The following SULF2 variants were observed in gnomAD, a reference collection of about 807,000 sequenced individuals.
SULF2 encodes the protein sulfatase 2.
A neutral mutation model predicts 107.7 loss-of-function variants in SULF2; 52 were observed. That is an observed-to-expected ratio of 0.48 (90% CI 0.39 to 0.61). The LOEUF (loss-of-function observed/expected upper bound fraction) is 0.61, where lower values mean the gene tolerates loss of function less well. Among genes scored for constraint, SULF2 ranks in the 20% least tolerant of loss-of-function variants. The pLI is 0.00. For missense variants in SULF2, 993 were observed against 1,177.3 expected (o/e 0.84, Z 2.29); for synonymous variants, 460 against 464.3 (o/e 0.99, Z 0.12).
intron 17 of SULF2, among the ~76,000 whole-genome samples, chr20:47,662,573 G>A (rs192160899): frequency 4.7e-4 from 72 of 152,318 alleles, no homozygotes; most frequent in African/African-American, 1.6e-3. Flanking sequence ...CACATGTTCC[G>A]ATGACCAGAC....
In SULF2 at chr20:47,745,400, AAAAAAAAAAAATATATATATAT is replaced by A. The variant is rs1268273013; in HGVS notation, c.176-8480_176-8459del. Among the ~76,000 whole-genome samples, 9 of 30,560 alleles carry A rather than the reference AAAAAAAAAAAATATATATATAT, an allele frequency of 2.9e-4. 1 individual carries two copies. The highest frequency in any genetic ancestry group is 2.3e-3 in the East Asian group (2 of 860). The allele number at this position is 30,560 out of a possible 152,430, so 20.0% of individuals were successfully genotyped here. A position where few individuals can be genotyped will look rare whatever the true frequency, so the allele number is the denominator to read the frequency against. On this transcript the variant is annotated intron_variant, in intron 2 of 20. Coordinates refer to ENST00000688720, the MANE Select transcript of SULF2 (RefSeq NM_001387048.1). ...TTTGAGGGAAAAAAAAAAAAAAAAA[AAAAAAAAAAAATATATATATAT>A]ATATATATATATATATATATATATA...
intron 1 of SULF2, among the ~76,000 whole-genome samples, chr20:47,780,443 G>A (rs570451159): frequency 5.9e-5 from 9 of 152,250 alleles, no homozygotes; most frequent in African/African-American, 1.4e-4. Flanking sequence ...TTTCCAAGGC[G>A]GACTCCTTCC....
intron 1 of SULF2, among the ~76,000 whole-genome samples, chr20:47,784,089 G>A (rs1016171401): frequency 6.6e-6 from 1 of 152,120 alleles, no homozygotes; most frequent in African/African-American, 2.4e-5. Flanking sequence ...AGATCCGGGG[G>A]TGTCCTCCAG....
chr20:47,716,316 C>T (rs1288495837), intron 3 of SULF2, among the ~76,000 whole-genome samples: 1 of 152,138 alleles, frequency 6.6e-6, no homozygotes, highest in Non-Finnish European at 1.5e-5. Context: ...ACCAGCCTGG[C>T]CAATGTGGTG....
At chr20:47,743,776 C>A (rs535022341) in intron 2 of SULF2, among the ~76,000 whole-genome samples, 1 of 152,178 alleles carries the variant, frequency 6.6e-6, no homozygotes, top group Non-Finnish European at 1.5e-5. Context: ...TCCTACTGTG[C>A]GCTCTCTCTC....
intron 4 of SULF2, among the ~76,000 whole-genome samples, chr20:47,691,360 C>T (rs947123664): frequency 3.3e-5 from 5 of 152,132 alleles, no homozygotes; most frequent in Non-Finnish European, 5.9e-5. Context: ...GAGGAGGTGA[C>T]ATTTGAGTTG....
At chr20:47,696,306 A>T (rs1224044907) in intron 4 of SULF2, among the ~76,000 whole-genome samples, 1 of 152,214 alleles carries the variant, frequency 6.6e-6, no homozygotes, top group Non-Finnish European at 1.5e-5. Context: ...AGTGTTAGTC[A>T]TTATTCCTCA....
chr20:47,747,008 TATATATATATAC>T (rs1449600747), intron 2 of SULF2, among the ~76,000 whole-genome samples: 75 of 132,394 alleles, frequency 5.7e-4, no homozygotes, highest in Non-Finnish European at 7.9e-4. Flanking sequence ...TATATATATA[TATATATATATAC>T]ACACACACAC....
intron 1 of SULF2, among the ~76,000 whole-genome samples, chr20:47,774,035 G>C (rs1022688914): frequency 6.6e-6 from 1 of 152,204 alleles, no homozygotes; most frequent in South Asian, 2.1e-4. Context: ...TAGCAGATGA[G>C]CTGTTCATTA....
chr20:47,658,261 G>A lies in SULF2; in HGVS notation c.*101C>T. 1 of 1,277,420 alleles carries A rather than the reference G, an allele frequency of 7.8e-7. No individual in the cohort carries two copies. Among genetic ancestry groups the A allele is most frequent in the South Asian group, 1.2e-5 (1 of 84,206 alleles). 79.1% of individuals were successfully genotyped at this position (1,277,420 alleles called of 1,614,324 possible). A position where few individuals can be genotyped will look rare whatever the true frequency, so the allele number is the denominator to read the frequency against. Reference sequence around the variant, plus strand: ...CGTGCTTGCTTTCTCAGGCCTCCTGGCCAATACCACAGGTCTGCTGGAAAT... The same window carrying A: ...CGTGCTTGCTTTCTCAGGCCTCCTGACCAATACCACAGGTCTGCTGGAAAT... On this transcript the variant is annotated 3_prime_UTR_variant, in exon 21 of 21. Coordinates refer to ENST00000688720, the MANE Select transcript of SULF2 (RefSeq NM_001387048.1).
chr20:47,706,605 G>A (rs916010835), intron 3 of SULF2: 1 of 152,272 alleles, frequency 6.6e-6, no homozygotes, highest in African/African-American at 2.4e-5. Context: ...TGTGCCTAGT[G>A]GATTTGAAGG....
chr20:47,702,588 G>A lies in SULF2; in HGVS notation c.498C>T (p.Asn166=). Residue 166 remains asparagine (N), a synonymous_variant, in exon 4 of 21, where the codon AAC becomes AAT. Transcript: ENST00000688720. ...ACAGCGTGTAGTTATAAAAGCGGGA[G>A]TTTTTAAGGAGTCCGACCCACTCCT... ...GWKEWVGLLK[N]SRFYNYTLCR... is the part of the protein sequence containing the mutation. 3.7e-6 allele frequency: 6 copies of A among 1,613,728 alleles called. No individual in the cohort carries two copies. Among genetic ancestry groups the A allele is most frequent in the Non-Finnish European group, 5.1e-6 (6 of 1,180,028 alleles).
In SULF2 at chr20:47,663,080, T is replaced by C. The variant is rs1602578892; in HGVS notation, c.2360A>G (p.Asp787Gly). The change falls in exon 17 of 21, where the codon GAC (aspartate) becomes GGC (glycine). Residue 787 changes from aspartate (D) to glycine (G), a missense_variant. Physicochemically the swap from Asp to Gly is moderately conservative, Grantham distance 94. Transcript: ENST00000688720. ...TCGGGTTGCCTGTACCTGGTAGGGG[T>C]CTGTGTTGAGATCAAAGTACTCTAG... ...GFLEYFDLNTDPYQLMNAVNT... is the reference protein window; with the variant it reads ...GFLEYFDLNTGPYQLMNAVNT... 2.5e-6 allele frequency: 4 copies of C among 1,613,826 alleles called. No homozygotes were observed. Among genetic ancestry groups the C allele is most frequent in the Non-Finnish European group, 1.7e-6 (2 of 1,179,984 alleles).
chr20:47,700,030 G>T (rs2088509785), intron 4 of SULF2, among the ~76,000 whole-genome samples: 1 of 152,200 alleles, frequency 6.6e-6, no homozygotes, highest in African/African-American at 2.4e-5. Context: ...AAAGAGGGAT[G>T]GATTTGGCAG....
At chr20:47,738,105 AGAAG>A (rs2089789159) in intron 2 of SULF2, among the ~76,000 whole-genome samples, 2 of 152,272 alleles carry the variant, frequency 1.3e-5, no homozygotes, top group East Asian at 1.9e-4. Flanking sequence ...AAGAAAGGCA[AGAAG>A]GAAGGAAGGA....
At chr20:47,755,362 C>T (rs1357883835) in intron 2 of SULF2, among the ~76,000 whole-genome samples, 1 of 152,168 alleles carries the variant, frequency 6.6e-6, no homozygotes. Flanking sequence ...TTCTTTTTAT[C>T]TGCATACACT....
intron 3 of SULF2, among the ~76,000 whole-genome samples, chr20:47,710,586 A>C (rs956015089): frequency 6.6e-6 from 1 of 150,822 alleles, no homozygotes; most frequent in African/African-American, 2.5e-5. Flanking sequence ...ATGTATCCCC[A>C]TTGTTACGTG....
chr20:47,685,851 A>G (rs998010307), intron 5 of SULF2: 5 of 152,272 alleles, frequency 3.3e-5, no homozygotes, highest in African/African-American at 1.2e-4. Context: ...TGTTGGGCAA[A>G]GTTCTGTCTG....
At chr20:47,724,322 C>T (rs2089378458) in intron 3 of SULF2, among the ~76,000 whole-genome samples, 1 of 152,226 alleles carries the variant, frequency 6.6e-6, no homozygotes, top group South Asian at 2.1e-4. Context: ...GCGAGAGCTG[C>T]TTCTGTCTTG....
Sources: allele counts gnomAD v4.1 joint callset (sites outside exome capture counted in the v4.1 genomes callset), GRCh38; gene constraint gnomAD v4.1.1; transcripts MANE v1.5; gene names NCBI Gene and HGNC (gene_info 2026-07-23, HGNC 2026-07-21).